The following ZNF700 variants were observed in gnomAD, a reference collection of about 807,000 sequenced individuals.
ZNF700 encodes the protein zinc finger protein 700.
In ZNF700, 38 loss-of-function variants were observed where a neutral mutation model predicts 65.3. That is an observed-to-expected ratio of 0.58 (90% confidence interval 0.45 to 0.76). ZNF700 has a LOEUF of 0.76. Ranked by LOEUF, ZNF700 falls within the 30% of genes least tolerant of loss-of-function variation. ZNF700 has a pLI of 0.00. For synonymous variants in ZNF700, 285 were observed against 290.4 expected (o/e 0.98, Z 0.19); for missense variants, 857 against 888.4 (o/e 0.96, Z 0.45).
chr19:11,927,025 C>T (rs554051965), intron 1 of ZNF700, among the ~76,000 whole-genome samples: 15 of 152,064 alleles, frequency 9.9e-5, no homozygotes, highest in Non-Finnish European at 1.3e-4. Flanking sequence ...GAATTCAAGA[C>T]GAGTCACAAA....
At chr19:11,937,458 G>A (rs1555700614) in intron 1 of ZNF700, among the ~76,000 whole-genome samples, 1 of 149,356 alleles carries the variant, frequency 6.7e-6, no homozygotes, top group Non-Finnish European at 1.5e-5. Context: ...TTTAATACAT[G>A]TCTTTATAGT....
At chr19:11,934,519 CTTT>C (rs1396084336) in intron 1 of ZNF700, among the ~76,000 whole-genome samples, 1 of 146,420 alleles carries the variant, frequency 6.8e-6, no homozygotes, top group Non-Finnish European at 1.5e-5. Context: ...TTCTTTTTTT[CTTT>C]GTTTGTTTGT....
At chr19:11,925,327 G>T in intron 1 of ZNF700, 54 bp downstream of exon 1, 1 of 1,600,794 alleles carries the variant, frequency 6.2e-7, no homozygotes, top group Non-Finnish European at 8.5e-7. Flanking sequence ...CCTGGAACAG[G>T]CGGGAACCGG....
At chr19:11,944,504 A>G (rs1264344982) in intron 1 of ZNF700, among the ~76,000 whole-genome samples, 1 of 152,182 alleles carries the variant, frequency 6.6e-6, no homozygotes, top group Non-Finnish European at 1.5e-5. Context: ...GTCAGCCACA[A>G]ACGCTGGCCT....
chr19:11,943,609 G>A (rs576740185), intron 1 of ZNF700, among the ~76,000 whole-genome samples: 10 of 152,104 alleles, frequency 6.6e-5, no homozygotes, highest in Non-Finnish European at 8.8e-5. Context: ...ACATCAGGTC[G>A]GGCATTTCCT....
chr19:11,931,392 G>T lies in ZNF700; in HGVS notation c.63+6119G>T, dbSNP rs369545480. Among the ~76,000 whole-genome samples the T allele has an allele frequency of 2.3e-3, 333 of 147,906 alleles. 51 individuals carry two copies. Among genetic ancestry groups the T allele is most frequent in the African/African-American group, 8.2e-3 (310 of 37,688 alleles). ...TAAGAGCACTAATCTCATTCAGAAA[G>T]GATTTACTCCTATGCTCTCATCTAA... On this transcript the variant is annotated intron_variant, in intron 1 of 3. Coordinates refer to ENST00000254321, the MANE Select transcript of ZNF700 (RefSeq NM_144566.3).
At chr19:11,940,453 C>T (rs143076896) in intron 1 of ZNF700, among the ~76,000 whole-genome samples, 3,022 of 151,908 alleles carry the variant, frequency 0.02, 76 homozygotes, top group African/African-American at 0.061. Context: ...AGTGAAGCTG[C>T]AGACCTTCGT....
rs200412252 is a variant in ZNF700, at chr19:11,948,958, G to T, written c.934G>T (p.Gly312Ter). ...GEKPYQCKEC[G>*]KAFAYTSSLR... ...GAAGCCTTATCAATGCAAAGAATGT[G>T]GAAAAGCATTTGCATATACCAGTTC... The change falls in exon 4 of 4, where the codon GGA becomes TGA. Residue 312 changes from glycine (G) to a stop codon, truncating the protein, a stop_gained. Coordinates refer to ENST00000254321, the MANE Select transcript of ZNF700 (RefSeq NM_144566.3). LOFTEE classifies it high-confidence loss of function. The T allele has an allele frequency of 6.8e-6, 11 of 1,608,162 alleles. No homozygotes were observed. The African/African-American group carries it at 1.5e-4, about 22-fold the overall frequency.
rs141645705 is a variant in ZNF700, at chr19:11,948,299, A to G, written c.275A>G (p.Asn92Ser). 212 of 1,613,292 alleles carry G rather than the reference A, an allele frequency of 1.3e-4. No individual in the cohort carries two copies. The highest frequency in any genetic ancestry group is 2.5e-4 in the East Asian group (11 of 44,874). ...SFRSLIEEKV[N>S]EIKEDSHCGE... ...AGGAGTCTCATAGAAGAGAAAGTCA[A>G]TGAAATTAAAGAAGACAGTCATTGT... The change falls in exon 4 of 4, where the codon AAT becomes AGT. Residue 92 changes from asparagine (N) to serine (S), a missense_variant. Asn to Ser is a conservative substitution (Grantham distance 46). This residue lies in a region of ZNF700 where 603 missense variants were observed against 619.9 expected (regional missense o/e 0.97). Transcript: ENST00000254321.
chr19:11,938,098 T>G (rs1369670178), intron 1 of ZNF700, among the ~76,000 whole-genome samples: 1 of 152,010 alleles, frequency 6.6e-6, no homozygotes, highest in Non-Finnish European at 1.5e-5. Context: ...AGACGGAGTC[T>G]CACTCTGTCA....
chr19:11,944,196 C>T (rs986639184), intron 1 of ZNF700, among the ~76,000 whole-genome samples: 3 of 152,204 alleles, frequency 2.0e-5, no homozygotes, highest in South Asian at 2.1e-4. Context: ...CTGTAGCTGT[C>T]GCTGTAACTT....
At position 11,947,869 on chromosome 19, in the gene ZNF700, T is replaced by A. The variant is rs532207091; in HGVS notation, c.251+295T>A. The stretch of plus-strand genomic sequence containing the variant: ...ACAGCAAAAAATTAGCTGGGCATTG[T>A]GGTGTGTATGCATCGGTAGTCCCAG... On this transcript the variant is annotated intron_variant, in intron 3 of 3. Transcript: ENST00000254321. Among the ~76,000 whole-genome samples, 19 of 152,070 alleles carry A rather than the reference T, an allele frequency of 1.2e-4. No homozygotes were observed. The South Asian group carries it at 3.3e-3, about 27-fold the overall frequency.
chr19:11,930,830 A>G (rs1429054742), intron 1 of ZNF700, among the ~76,000 whole-genome samples: 5 of 147,950 alleles, frequency 3.4e-5, no homozygotes, highest in Non-Finnish European at 1.5e-5. Flanking sequence ...GTGAAACTCC[A>G]TCTCTATTAA....
intron 1 of ZNF700, among the ~76,000 whole-genome samples, chr19:11,935,385 C>T (rs911759623): frequency 2.0e-5 from 3 of 151,518 alleles, no homozygotes; most frequent in Non-Finnish European, 4.4e-5. Context: ...TATAGGCTTA[C>T]ACCACCAGGC....
intron 1 of ZNF700, among the ~76,000 whole-genome samples, chr19:11,940,543 A>G (rs1433130131): frequency 1.3e-5 from 2 of 152,218 alleles, no homozygotes; most frequent in African/African-American, 2.4e-5. Context: ...CGCTGGCTTC[A>G]GGAGTGAAGC....
chr19:11,950,572 A>T lies in ZNF700; in HGVS notation c.*319A>T. ...GGGAAAGCCTTCAGATGTGCCTCGC[A>T]CCTTCAACGGCATGGAAGGGTTCAC... On this transcript the variant is annotated 3_prime_UTR_variant, in exon 4 of 4. Coordinates refer to ENST00000254321, the MANE Select transcript of ZNF700 (RefSeq NM_144566.3). 1 of 537,726 alleles carries T rather than the reference A, an allele frequency of 1.9e-6. No individual in the cohort carries two copies. The allele number at this position is 537,726 out of a possible 1,614,324, so 33.3% of individuals were successfully genotyped here.
chr19:11,932,460 A>G (rs1160338240), intron 1 of ZNF700, among the ~76,000 whole-genome samples: 1 of 148,538 alleles, frequency 6.7e-6, no homozygotes. Context: ...AAACTAACTA[A>G]AAGTATTACA....
At chr19:11,927,361 C>CA (rs1458381543) in intron 1 of ZNF700, among the ~76,000 whole-genome samples, 1 of 150,960 alleles carries the variant, frequency 6.6e-6, no homozygotes. Context: ...TCTCAAAAAC[C>CA]AAAACAAACA....
chr19:11,939,490 C>T lies in ZNF700; in HGVS notation c.64-7691C>T, dbSNP rs1412003056. Among the ~76,000 whole-genome samples, 7 of 152,272 alleles carry T rather than the reference C, an allele frequency of 4.6e-5. No individual in the cohort carries two copies. In the South Asian group the frequency reaches 1.0e-3, roughly 23 times the overall value. The stretch of plus-strand genomic sequence containing the variant: ...CCATTTATTAAATAGGGAATCGTTT[C>T]CCCATTTGTTGTTTTTGTCAGGTTC... On this transcript the variant is annotated intron_variant, in intron 1 of 3. Transcript: ENST00000254321.
Sources: gnomAD v4.1 joint callset for allele counts (sites outside exome capture counted in the v4.1 genomes callset) on GRCh38, gnomAD v4.1.1 for gene constraint, gnomAD v4.1.1 regional missense constraint, MANE v1.5 for transcripts, NCBI Gene and HGNC (gene_info 2026-07-23, HGNC 2026-07-21) for gene names.